The following ARHGAP26 variants were observed in gnomAD, a reference collection of about 807,000 sequenced individuals.
ARHGAP26 encodes the protein Rho GTPase activating protein 26, also known as rho GTPase-activating protein 26.
ARHGAP26 carries 38 observed loss-of-function variants against 104.8 expected under a neutral mutation model. That is an observed-to-expected ratio of 0.36 (90% CI 0.28 to 0.48). The LOEUF is 0.48. ARHGAP26 is among the 20% of genes least tolerant of loss of function. ARHGAP26 has a pLI of 0.99. For synonymous variants in ARHGAP26, 341 were observed against 340.0 expected (o/e 1.00, Z -0.03); for missense variants, 704 against 947.9 (o/e 0.74, Z 3.38).
chr5:143,011,862 T>C (rs1778801801), intron 11 of ARHGAP26, among the ~76,000 whole-genome samples: 1 of 152,228 alleles, frequency 6.6e-6, no homozygotes, highest in African/African-American at 2.4e-5. Context: ...ATTCCATGAA[T>C]GTTAAGCATT....
chr5:143,209,636 C>G (rs1280013092), intron 21 of ARHGAP26, among the ~76,000 whole-genome samples: 1 of 152,060 alleles, frequency 6.6e-6, no homozygotes, highest in Non-Finnish European at 1.5e-5. Flanking sequence ...CAAAAATTAG[C>G]CAGGCATGGT....
rs143551504 is a variant in ARHGAP26, at chr5:143,136,511, T to G, written c.1837+2406T>G. On this transcript the variant is annotated intron_variant, in intron 19 of 22. Coordinates refer to ENST00000645722, the MANE Select transcript of ARHGAP26 (RefSeq NM_001135608.3). The stretch of plus-strand genomic sequence containing the variant: ...ATTTTAACTGCAAGTCTGTGTGTTC[T>G]TTAACTGCAATTTATATGGGTGTCT... Among the ~76,000 whole-genome samples, 826 of 152,390 alleles carry G rather than the reference T, an allele frequency of 5.4e-3. 3 individuals are homozygous for G. The highest frequency in any genetic ancestry group is 8.2e-3 in the Non-Finnish European group (555 of 68,030).
chr5:143,042,353 A>G (rs548933159), intron 14 of ARHGAP26, among the ~76,000 whole-genome samples: 3 of 152,308 alleles, frequency 2.0e-5, no homozygotes, highest in South Asian at 4.1e-4. Flanking sequence ...CAGATAAAAT[A>G]TATATAACCA....
chr5:142,805,322 G>A (rs895124001), intron 1 of ARHGAP26, among the ~76,000 whole-genome samples: 2 of 151,970 alleles, frequency 1.3e-5, no homozygotes, highest in African/African-American at 2.4e-5. Context: ...GGCTGTTCTC[G>A]AAGTCCTGAC....
At chr5:143,062,847 C>T (rs915371896) in intron 17 of ARHGAP26, among the ~76,000 whole-genome samples, 1 of 152,202 alleles carries the variant, frequency 6.6e-6, no homozygotes, top group Non-Finnish European at 1.5e-5. Flanking sequence ...TAAGATTTAA[C>T]TTACCAATGA....
At chr5:142,798,397 C>T (rs1761415450) in intron 1 of ARHGAP26, among the ~76,000 whole-genome samples, 1 of 152,190 alleles carries the variant, frequency 6.6e-6, no homozygotes, top group Admixed American at 6.5e-5. Flanking sequence ...GCTCAAATGC[C>T]ACTGCCTCTG....
At chr5:143,114,324 A>G (rs1795150228) in intron 17 of ARHGAP26, among the ~76,000 whole-genome samples, 2 of 152,128 alleles carry the variant, frequency 1.3e-5, no homozygotes, top group Non-Finnish European at 2.9e-5. Context: ...AGGCCTCCTC[A>G]GCGCTGTTTG....
intron 11 of ARHGAP26, among the ~76,000 whole-genome samples, chr5:142,933,702 C>T (rs1020419222): frequency 6.6e-6 from 1 of 152,140 alleles, no homozygotes; most frequent in African/African-American, 2.4e-5. Context: ...AATGGTACAG[C>T]CATATCTACC....
rs141196602 is a variant in ARHGAP26, at chr5:142,882,087, T to C, written c.384+2642T>C. Among the ~76,000 whole-genome samples, 13 of 152,360 alleles carry C rather than the reference T, an allele frequency of 8.5e-5. No individual in the cohort carries two copies. The East Asian group carries it at 1.9e-3, about 23-fold the overall frequency. On this transcript the variant is annotated intron_variant, in intron 4 of 22. Transcript: ENST00000645722. ...TGTATTAGAGGTACATTTGGAATGC[T>C]GGACTCTAGAATAAGTATAACAGAC... is the stretch of plus-strand genomic sequence containing the variant.
At chr5:142,795,256 A>G (rs1192286600) in intron 1 of ARHGAP26, among the ~76,000 whole-genome samples, 2 of 152,136 alleles carry the variant, frequency 1.3e-5, no homozygotes, top group African/African-American at 4.8e-5. Flanking sequence ...CAGTTTTCTC[A>G]TCTGTAAAGT....
intron 20 of ARHGAP26, among the ~76,000 whole-genome samples, chr5:143,152,409 C>A (rs1799953941): frequency 6.6e-6 from 1 of 152,174 alleles, no homozygotes; most frequent in Admixed American, 6.5e-5. Context: ...ATTAACACAT[C>A]TTTTTAAATC....
chr5:143,059,586 C>G (rs1252590119), intron 17 of ARHGAP26, among the ~76,000 whole-genome samples: 1 of 152,212 alleles, frequency 6.6e-6, no homozygotes, highest in Non-Finnish European at 1.5e-5. Flanking sequence ...CCATTACATT[C>G]AGTCCATCCT....
At chr5:143,207,531 A>T in intron 21 of ARHGAP26, 1 of 1,588,386 alleles carries the variant, frequency 6.3e-7, no homozygotes, top group East Asian at 2.2e-5. Context: ...GCCAGGGACA[A>T]CAGGGGGCTG....
Position 142,932,073 on chromosome 5 carries a change from T to G in ARHGAP26, c.1055T>G (p.Leu352Trp). The G allele has an allele frequency of 6.2e-7, 1 of 1,614,096 alleles. No individual in the cohort carries two copies. ...CCAGGGGTTATCACCATGCAAGCTTTGTCGGAAGAGGACCGGAGGCTCTGG... is the reference window on the plus strand; with the variant it reads ...CCAGGGGTTATCACCATGCAAGCTTGGTCGGAAGAGGACCGGAGGCTCTGG... ...DRPGVITMQA[L>W]SEEDRRLWME... Residue 352 changes from leucine (L) to tryptophan (W), a missense_variant, in exon 11 of 23, where the codon TTG (leucine) becomes TGG (tryptophan). Coordinates refer to ENST00000645722, the MANE Select transcript of ARHGAP26 (RefSeq NM_001135608.3).
chr5:143,168,493 A>G (rs931360054), intron 20 of ARHGAP26: 20 of 82,694 alleles, frequency 2.4e-4, no homozygotes, highest in Admixed American at 1.1e-3. Flanking sequence ...ATTTTCTTCC[A>G]CAAAGGGCCT....
At chr5:143,167,823 A>C (rs190714357) in intron 20 of ARHGAP26, among the ~76,000 whole-genome samples, 3 of 152,348 alleles carry the variant, frequency 2.0e-5, no homozygotes, top group East Asian at 3.9e-4. Flanking sequence ...AGAGAAACTG[A>C]CAAGAGATAG....
intron 11 of ARHGAP26, among the ~76,000 whole-genome samples, chr5:142,997,636 T>A (rs1249694854): frequency 6.7e-6 from 1 of 150,186 alleles, no homozygotes; most frequent in Non-Finnish European, 1.5e-5. Flanking sequence ...CAGGCTGGTC[T>A]CAAACTCCTG....
chr5:143,082,860 AAG>A (rs1448717863), intron 17 of ARHGAP26, among the ~76,000 whole-genome samples: 2 of 152,222 alleles, frequency 1.3e-5, no homozygotes, highest in Non-Finnish European at 2.9e-5. Context: ...TTCTGTTTAA[AAG>A]AGTTTTCCTT....
At chr5:142,842,582 T>A (rs751405407) in intron 1 of ARHGAP26, among the ~76,000 whole-genome samples, 3 of 152,196 alleles carry the variant, frequency 2.0e-5, no homozygotes, top group Non-Finnish European at 4.4e-5. Flanking sequence ...GAGAAAAACA[T>A]GCCTAGAGGT....
Sources: gnomAD v4.1 joint callset for allele counts (sites outside exome capture counted in the v4.1 genomes callset) on GRCh38, gnomAD v4.1.1 for gene constraint, MANE v1.5 for transcripts, NCBI Gene and HGNC (gene_info 2026-07-23, HGNC 2026-07-21) for gene names.